Variants in TMEM131L observed in about 807,000 individuals in gnomAD.
The protein encoded by TMEM131L is transmembrane protein 131-like.
In TMEM131L, 54 loss-of-function variants were observed where a neutral mutation model predicts 192.2. The ratio of observed to expected loss-of-function variants is 0.28; its 90% CI spans 0.23 to 0.35. TMEM131L has a LOEUF of 0.35. Among genes scored for constraint, TMEM131L ranks in the 10% least tolerant of loss-of-function variants. TMEM131L has a pLI of 1.00. For missense variants in TMEM131L, 1,888 were observed against 1,972.9 expected (o/e 0.96, Z 0.82); for synonymous variants, 701 against 704.9 (o/e 0.99, Z 0.09).
chr4:153,603,614 T>C (rs1447352999), intron 24 of TMEM131L, 162 bp downstream of exon 24: 1 of 974,994 alleles, frequency 1.0e-6, no homozygotes, highest in African/African-American at 1.7e-5. Flanking sequence ...TATTATGAGA[T>C]AGTCTCCATG....
At chr4:153,620,665 T>A in intron 26 of TMEM131L, 91 bp from the exon 27 acceptor site, 1 of 787,126 alleles carries the variant, frequency 1.3e-6, no homozygotes, top group Non-Finnish European at 1.9e-6. Flanking sequence ...TGGGACATTC[T>A]GAATTCAGAT....
At chr4:153,472,563 T>C (rs1457009131) in intron 2 of TMEM131L, among the ~76,000 whole-genome samples, 1 of 152,132 alleles carries the variant, frequency 6.6e-6, no homozygotes, top group Non-Finnish European at 1.5e-5. Context: ...ACACCTGCCC[T>C]TGTGATGCTT....
At chr4:153,632,071 T>A (rs1734248136) in intron 31 of TMEM131L, among the ~76,000 whole-genome samples, 1 of 152,196 alleles carries the variant, frequency 6.6e-6, no homozygotes, top group Non-Finnish European at 1.5e-5. Flanking sequence ...CCCAACACTT[T>A]GGGAGGCCGA....
chr4:153,586,272 C>G lies in TMEM131L; in HGVS notation c.1375C>G (p.Leu459Val). The G allele has an allele frequency of 6.2e-7, 1 of 1,602,224 alleles. No homozygotes were observed. Among genetic ancestry groups the G allele is most frequent in the Non-Finnish European group, 8.5e-7 (1 of 1,175,944 alleles). ...PGCWNIFSLK[L>V]AVKDIAINLF... ...CTGTTGGAATATATTTTCTTTGAAA[C>G]TTGCTGTTAAAGACATTGCCATAAA... The change falls in exon 14 of 35, where the codon CTT becomes GTT. Residue 459 changes from leucine to valine, a missense_variant. Physicochemically the swap from Leu to Val is conservative, Grantham distance 32. Transcript: ENST00000409959.
chr4:153,475,393 T>TA (rs1456041778), intron 3 of TMEM131L, among the ~76,000 whole-genome samples: 1 of 152,224 alleles, frequency 6.6e-6, no homozygotes, highest in African/African-American at 2.4e-5. Flanking sequence ...TTTCAGTACT[T>TA]ACAAGCTTTT....
At chr4:153,481,708 G>T (rs941383176) in intron 3 of TMEM131L, among the ~76,000 whole-genome samples, 1 of 151,992 alleles carries the variant, frequency 6.6e-6, no homozygotes, top group African/African-American at 2.4e-5. Flanking sequence ...GCTGATTTTT[G>T]TATTTTTTTT....
intron 19 of TMEM131L, among the ~76,000 whole-genome samples, chr4:153,595,697 G>A (rs1334536101): frequency 2.1e-5 from 3 of 142,116 alleles, no homozygotes; most frequent in Non-Finnish European, 4.5e-5. Flanking sequence ...ACTAAACTTA[G>A]AGCACAAGTT....
chr4:153,623,594 A>G (rs543632687), intron 29 of TMEM131L, among the ~76,000 whole-genome samples: 2 of 152,342 alleles, frequency 1.3e-5, no homozygotes, highest in African/African-American at 4.8e-5. Flanking sequence ...TGTAAGTGGA[A>G]TCACACAGTA....
Position 153,586,264 on chromosome 4 carries a change from C to G in TMEM131L, c.1367C>G (p.Ser456Cys), listed in dbSNP as rs1730691302. 1 of 1,602,340 alleles carries G rather than the reference C, an allele frequency of 6.2e-7. No homozygotes were observed. ...FLPPGCWNIF[S>C]LKLAVKDIAI... ...CCTCCAGGCTGTTGGAATATATTTT[C>G]TTTGAAACTTGCTGTTAAAGACATT... The change falls in exon 14 of 35, where the codon TCT becomes TGT. Residue 456 changes from serine to cysteine, a missense_variant. Coordinates refer to ENST00000409959, the MANE Select transcript of TMEM131L (RefSeq NM_001131007.2).
chr4:153,466,397 C>A lies in TMEM131L; in HGVS notation c.-1C>A. On this transcript the variant is annotated 5_prime_UTR_variant, in exon 1 of 35. Transcript: ENST00000409959. ...CAACGGAGAGGAGCGCGAGCAGCAG[C>A]ATGGCGGGGCTCCGACGCCCGCAGC... is the stretch of plus-strand genomic sequence containing the variant. 1 of 1,333,094 alleles carries A rather than the reference C, an allele frequency of 7.5e-7. No individual in the cohort carries two copies. The highest frequency in any genetic ancestry group is 9.6e-7 in the Non-Finnish European group (1 of 1,037,362). The allele number at this position is 1,333,094 out of a possible 1,614,324, so 82.6% of individuals were successfully genotyped here.
In TMEM131L at chr4:153,596,315, G is replaced by A. The variant is rs1361769897; in HGVS notation, c.2053G>A (p.Glu685Lys). 6.2e-7 allele frequency: 1 copy of A among 1,613,894 alleles called. No individual in the cohort carries two copies. The highest frequency in any genetic ancestry group is 8.5e-7 in the Non-Finnish European group (1 of 1,179,918). The change falls in exon 20 of 35, where the codon GAA becomes AAA. Residue 685 changes from glutamate to lysine, a missense_variant. Physicochemically the swap from Glu to Lys is moderately conservative, Grantham distance 56. Coordinates refer to ENST00000409959, the MANE Select transcript of TMEM131L (RefSeq NM_001131007.2). ...CCTCCACTTACATCTGCAGCCTTTGGAAATGAAAAGGGTTGGCGTAGTTTT... is the reference window on the plus strand; with the variant it reads ...CCTCCACTTACATCTGCAGCCTTTGAAAATGAAAAGGGTTGGCGTAGTTTT... ...GILHLHLQPL[E>K]MKRVGVVFTP...
rs551462441 is a variant in TMEM131L, at chr4:153,587,899, A to AT, written c.1552+90dup. The AT allele has an allele frequency of 3.0e-4, 280 of 938,336 alleles. No individual in the cohort carries two copies. The African/African-American group carries it at 4.3e-3, about 14-fold the overall frequency. 58.1% of individuals were successfully genotyped at this position (938,336 alleles called of 1,614,324 possible). On this transcript the variant is annotated intron_variant, in intron 15 of 34. Coordinates refer to ENST00000409959, the MANE Select transcript of TMEM131L (RefSeq NM_001131007.2). ...AAAATTAGCATTTGTCAATGGAATA[A>AT]TTAGTTCTGTAAAGGCATCATATTC...
chr4:153,533,216 C>T (rs1736049869), intron 3 of TMEM131L, among the ~76,000 whole-genome samples: 1 of 152,124 alleles, frequency 6.6e-6, no homozygotes, highest in Non-Finnish European at 1.5e-5. Context: ...AACTCCCGAC[C>T]TCACTTTATC....
At chr4:153,629,085 C>T (rs564836095) in intron 31 of TMEM131L, among the ~76,000 whole-genome samples, 10 of 152,294 alleles carry the variant, frequency 6.6e-5, no homozygotes, top group African/African-American at 2.2e-4. Context: ...TTGCCTAGTG[C>T]CCCACCTGCT....
chr4:153,473,841 A>G lies in TMEM131L; in HGVS notation c.196-4A>G. 1 of 1,542,614 alleles carries G rather than the reference A, an allele frequency of 6.5e-7. No individual in the cohort carries two copies. The highest frequency in any genetic ancestry group is 8.7e-7 in the Non-Finnish European group (1 of 1,143,418). ...AACGGTTAACACATGTTCTTTTTCA[A>G]TAGGGTGATTCTGAAGAGGGTCTGG... On this transcript the variant is annotated splice_region_variant and splice_polypyrimidine_tract_variant and intron_variant, in intron 2 of 34. Coordinates refer to ENST00000409959, the MANE Select transcript of TMEM131L (RefSeq NM_001131007.2).
chr4:153,629,262 C>T (rs1351449108), intron 31 of TMEM131L, among the ~76,000 whole-genome samples: 2 of 152,188 alleles, frequency 1.3e-5, no homozygotes, highest in African/African-American at 4.8e-5. Flanking sequence ...TCTTGCTTTA[C>T]TAGAAGAGAG....
chr4:153,629,266 AAGAG>A (rs962502428), intron 31 of TMEM131L, among the ~76,000 whole-genome samples: 1 of 152,142 alleles, frequency 6.6e-6, no homozygotes, highest in Admixed American at 6.5e-5. Context: ...GCTTTACTAG[AAGAG>A]AGAGAAGTGG....
At chr4:153,517,645 G>A (rs962463487) in intron 3 of TMEM131L, among the ~76,000 whole-genome samples, 5 of 152,158 alleles carry the variant, frequency 3.3e-5, no homozygotes, top group Admixed American at 2.6e-4. Flanking sequence ...GGAGCCTTTT[G>A]TTCAAGGAAG....
rs1297352891 is a variant in TMEM131L, at chr4:153,616,794, A to G, written c.3568-3962A>G. 3.3e-5 allele frequency among the ~76,000 whole-genome samples: 5 copies of G among 152,354 alleles called. No homozygotes were observed. In the South Asian group the frequency reaches 1.0e-3, roughly 32 times the overall value. On this transcript the variant is annotated intron_variant, in intron 26 of 34. Coordinates refer to ENST00000409959, the MANE Select transcript of TMEM131L (RefSeq NM_001131007.2). Reference sequence around the variant, plus strand: ...CCATAAGATTATAACTAAATTTTCTATAAAAATTAAATGGGGAGCTTTGTT... The same window carrying G: ...CCATAAGATTATAACTAAATTTTCTGTAAAAATTAAATGGGGAGCTTTGTT...
Sources: allele counts gnomAD v4.1 joint callset (sites outside exome capture counted in the v4.1 genomes callset), GRCh38; gene constraint gnomAD v4.1.1; transcripts MANE v1.5; gene names NCBI Gene and HGNC (gene_info 2026-07-23, HGNC 2026-07-21).